ECI2: variants seen among roughly 807,000 people sequenced by gnomAD.
The protein encoded by ECI2 is enoyl-CoA delta isomerase 2.
In ECI2, 27 loss-of-function variants were observed where a neutral mutation model predicts 38.4. The ratio of observed to expected loss-of-function variants is 0.70; its 90% CI spans 0.52 to 0.97. ECI2 has a LOEUF of 0.97. Ranked by LOEUF, ECI2 falls within the 50% of genes least tolerant of loss-of-function variation. The probability of loss-of-function intolerance (pLI) is 0.00; values close to 1 mark genes in which losing one functional copy is unlikely to be tolerated. For missense variants in ECI2, 470 were observed against 474.4 expected (o/e 0.99, Z 0.09); for synonymous variants, 168 against 172.0 (o/e 0.98, Z 0.18).
intron 9 of ECI2, among the ~76,000 whole-genome samples, chr6:4,116,588 C>G (rs924919800): frequency 6.6e-6 from 1 of 151,602 alleles, no homozygotes; most frequent in East Asian, 2.0e-4. Context: ...ATTACAGGCG[C>G]CCACCACCAC....
chr6:4,119,088 A>G (rs187883293), intron 8 of ECI2, 98 bp downstream of exon 8: 114 of 1,001,252 alleles, frequency 1.1e-4, no homozygotes, highest in South Asian at 1.0e-4. Flanking sequence ...TCTTTTGTCC[A>G]TATTACCAAG....
intron 4 of ECI2, among the ~76,000 whole-genome samples, chr6:4,129,559 C>T (rs188034889): frequency 5.5e-4 from 84 of 152,266 alleles, no homozygotes; most frequent in African/African-American, 1.8e-3. Flanking sequence ...AGAGTGCTGG[C>T]ACTCATTAGA....
In ECI2 at chr6:4,115,708, G is replaced by T; in HGVS notation, c.*166C>A. 1 of 1,199,248 alleles carries T rather than the reference G, an allele frequency of 8.3e-7. No individual in the cohort carries two copies. Among genetic ancestry groups the T allele is most frequent in the Non-Finnish European group, 1.2e-6 (1 of 847,782 alleles). 74.3% of individuals were successfully genotyped at this position (1,199,248 alleles called of 1,614,324 possible). A position where few individuals can be genotyped will look rare whatever the true frequency, so the allele number is the denominator to read the frequency against. Reference sequence around the variant, plus strand: ...AACACCTGTGTGAATTCTTAAGCTTGTTTTACAAAACTTTTTATTCATCAG... The same window carrying T: ...AACACCTGTGTGAATTCTTAAGCTTTTTTTACAAAACTTTTTATTCATCAG... On this transcript the variant is annotated 3_prime_UTR_variant, in exon 10 of 10. Coordinates refer to ENST00000380118, the MANE Select transcript of ECI2 (RefSeq NM_206836.3).
intron 4 of ECI2, among the ~76,000 whole-genome samples, chr6:4,129,317 T>C (rs1773383476): frequency 6.6e-6 from 1 of 152,164 alleles, no homozygotes; most frequent in Non-Finnish European, 1.5e-5. Flanking sequence ...TTTCACCATG[T>C]TGGCCAGGCT....
Position 4,126,240 on chromosome 6 carries a change from A to G in ECI2, c.572-3T>C, listed in dbSNP as rs749191347. ...ACTACTGTAATAGTCACCATTTCCT[A>G]TAAGTAAGAAAATCAACAGATCCCT... is the stretch of plus-strand genomic sequence containing the variant. On this transcript the variant is annotated splice_region_variant and splice_polypyrimidine_tract_variant and intron_variant, in intron 5 of 9. Coordinates refer to ENST00000380118, the MANE Select transcript of ECI2 (RefSeq NM_206836.3). 21 of 1,607,648 alleles carry G rather than the reference A, an allele frequency of 1.3e-5. No individual in the cohort carries two copies. Among genetic ancestry groups the G allele is most frequent in the Non-Finnish European group, 1.6e-5 (19 of 1,176,952 alleles).
At chr6:4,122,913 A>G (rs980493840) in intron 7 of ECI2, among the ~76,000 whole-genome samples, 2 of 152,204 alleles carry the variant, frequency 1.3e-5, no homozygotes, top group African/African-American at 4.8e-5. Flanking sequence ...CCACTCAAAG[A>G]TTTATTATTG....
At chr6:4,130,587 AG>A in intron 3 of ECI2, 27 bp from the exon 4 acceptor site, 1 of 1,614,184 alleles carries the variant, frequency 6.2e-7, no homozygotes, top group African/African-American at 1.3e-5. Flanking sequence ...AAACAACCTC[AG>A]CCCATGGTCA....
intron 4 of ECI2, 36 bp from the exon 5 acceptor site, chr6:4,127,867 C>CT (rs1260308293): frequency 6.3e-7 from 1 of 1,585,278 alleles, no homozygotes; most frequent in Admixed American, 1.7e-5. Flanking sequence ...GAAAAGAACT[C>CT]TGAACACAGG....
At chr6:4,123,499 C>G (rs1351491647) in intron 7 of ECI2, among the ~76,000 whole-genome samples, 1 of 151,050 alleles carries the variant, frequency 6.6e-6, no homozygotes, top group Non-Finnish European at 1.5e-5. Context: ...CACTATTTGA[C>G]AAATAAATTT....
chr6:4,135,050 T>C, intron 1 of ECI2: 1 of 450,380 alleles, frequency 2.2e-6, no homozygotes, highest in Non-Finnish European at 4.5e-6. Context: ...TTTCACTTTA[T>C]AGCATACGTG....
Position 4,117,323 on chromosome 6 carries a change from T to C in ECI2, c.1014A>G (p.Ala338=), listed in dbSNP as rs763571320. ...KEVWTRLKAF[A]KLPPNALRIS... is the part of the protein sequence containing the mutation. ...GAATACTAACATTTGGGGGAAGCTT[T>C]GCAAATGCCTTCAGCCTGGTCCAGA... is the stretch of plus-strand genomic sequence containing the variant. Residue 338 remains alanine (A), a synonymous_variant, in exon 9 of 10, where the codon GCA becomes GCG. Coordinates refer to ENST00000380118, the MANE Select transcript of ECI2 (RefSeq NM_206836.3). The C allele has an allele frequency of 2.5e-6, 4 of 1,602,128 alleles. No homozygotes were observed. In the South Asian group the frequency reaches 3.4e-5, roughly 14 times the overall value.
intron 2 of ECI2, among the ~76,000 whole-genome samples, chr6:4,131,984 C>T (rs1232132226): frequency 6.6e-6 from 1 of 152,164 alleles, no homozygotes; most frequent in African/African-American, 2.4e-5. Flanking sequence ...AGAGGGAACA[C>T]AGTCCACAGG....
intron 1 of ECI2, chr6:4,134,989 G>A (rs1581999475): frequency 2.7e-6 from 1 of 377,278 alleles, no homozygotes; most frequent in Non-Finnish European, 5.4e-6. Flanking sequence ...GGGTTCCCGG[G>A]ACCCCAGGGA....
intron 4 of ECI2, among the ~76,000 whole-genome samples, chr6:4,129,039 C>A (rs961766064): frequency 3.0e-4 from 46 of 152,184 alleles, no homozygotes; most frequent in African/African-American, 1.0e-3. Context: ...TATCAGGGTT[C>A]CTTCCTTCCA....
chr6:4,128,854 T>C (rs955986091), intron 4 of ECI2, among the ~76,000 whole-genome samples: 4 of 152,196 alleles, frequency 2.6e-5, no homozygotes, highest in Non-Finnish European at 5.9e-5. Flanking sequence ...GATTTTGTTG[T>C]CCACACGGAG....
At chr6:4,134,759 A>C (rs2113034702) in intron 1 of ECI2, among the ~76,000 whole-genome samples, 1 of 152,362 alleles carries the variant, frequency 6.6e-6, no homozygotes, top group Middle Eastern at 3.4e-3. Flanking sequence ...CCACGTAGAA[A>C]ACGAAAGAAA....
chr6:4,117,614 C>T, intron 8 of ECI2, 163 bp from the exon 9 acceptor site: 1 of 899,438 alleles, frequency 1.1e-6, no homozygotes, highest in South Asian at 2.1e-5. Flanking sequence ...CAACGGTTTG[C>T]AAACTGTGTG....
At position 4,133,693 on chromosome 6, in the gene ECI2, A is replaced by T; in HGVS notation, c.69T>A (p.Ser23Arg). Residue 23 changes from serine to arginine, a missense_variant, in exon 2 of 10, where the codon AGT (serine) becomes AGA (arginine). By Grantham distance (110) the Ser-to-Arg change is moderately radical (BLOSUM62 -1). Coordinates refer to ENST00000380118, the MANE Select transcript of ECI2 (RefSeq NM_206836.3). ...RSCPSSLQVT[S>R]FPVVQLHMNR... ...TCATGTGCAGCTGAACTACCGGGAA[A>T]CTAGTGACCTGCAGAGAACTACAAT... is the stretch of plus-strand genomic sequence containing the variant. 6.2e-7 allele frequency: 1 copy of T among 1,610,938 alleles called. No homozygotes were observed. The highest frequency in any genetic ancestry group is 8.5e-7 in the Non-Finnish European group (1 of 1,179,032).
chr6:4,127,955 G>A, intron 4 of ECI2, 124 bp from the exon 5 acceptor site: 5 of 847,550 alleles, frequency 5.9e-6, no homozygotes, highest in Middle Eastern at 5.6e-4. Flanking sequence ...TATTTTGGTT[G>A]TATTTTATAA....
Sources: allele counts gnomAD v4.1 joint callset (sites outside exome capture counted in the v4.1 genomes callset), GRCh38; gene constraint gnomAD v4.1.1; transcripts MANE v1.5; gene names NCBI Gene and HGNC (gene_info 2026-07-23, HGNC 2026-07-21).